The following PSMA8 variants were observed in gnomAD, a reference collection of about 807,000 sequenced individuals.
The protein encoded by PSMA8 is proteasome 20S subunit alpha 8.
PSMA8 carries 18 observed loss-of-function variants against 32.4 expected under a neutral mutation model. The ratio of observed to expected loss-of-function variants is 0.56; its 90% CI spans 0.38 to 0.82. PSMA8 has a LOEUF of 0.82. Ranked by LOEUF, PSMA8 falls within the 40% of genes least tolerant of loss-of-function variation. PSMA8 has a pLI of 0.00. For missense variants in PSMA8, 298 were observed against 300.7 expected (o/e 0.99, Z 0.07); for synonymous variants, 104 against 98.1 (o/e 1.06, Z -0.36).
Position 26,178,917 on chromosome 18 carries a change from G to T in PSMA8, c.565G>T (p.Ala189Ser). 6.2e-7 allele frequency: 1 copy of T among 1,613,578 alleles called. No individual in the cohort carries two copies. The change falls in exon 5 of 7, where the codon GCT (alanine) becomes TCT (serine). Residue 189 changes from alanine to serine, a missense_variant. Coordinates refer to ENST00000415576, the MANE Select transcript of PSMA8 (RefSeq NM_001025096.2). ...TEDAIASDSE[A>S]IKLAIKALLE... is the part of the protein sequence containing the mutation. The stretch of plus-strand genomic sequence containing the variant: ...AGATGCCATAGCAAGTGACAGTGAA[G>T]CTATCAAGTTAGCAATAAAAGCTTT...
chr18:26,185,612 T>C (rs886754946), intron 6 of PSMA8, among the ~76,000 whole-genome samples: 7 of 150,912 alleles, frequency 4.6e-5, no homozygotes, highest in African/African-American at 1.5e-4. Context: ...TGTTTGCTGG[T>C]TGGCTAATGT....
intron 4 of PSMA8, among the ~76,000 whole-genome samples, chr18:26,164,795 T>C (rs1024284843): frequency 2.0e-5 from 3 of 152,192 alleles, no homozygotes; most frequent in Admixed American, 1.3e-4. Context: ...TATTAGATAA[T>C]GTTGTGTCTG....
At chr18:26,181,246 A>G (rs1282879815) in intron 6 of PSMA8, among the ~76,000 whole-genome samples, 6 of 152,182 alleles carry the variant, frequency 3.9e-5, no homozygotes, top group African/African-American at 1.2e-4. Flanking sequence ...GTGATCTGTG[A>G]TCAATGATCT....
chr18:26,148,735 A>G (rs2055023167), intron 2 of PSMA8, among the ~76,000 whole-genome samples: 1 of 152,264 alleles, frequency 6.6e-6, no homozygotes. Context: ...CTCTGTTCAC[A>G]GAAGACATGA....
At chr18:26,159,003 C>A (rs1028055410) in intron 4 of PSMA8, among the ~76,000 whole-genome samples, 1 of 151,944 alleles carries the variant, frequency 6.6e-6, no homozygotes, top group Admixed American at 6.6e-5. Context: ...GCCCCCCTGC[C>A]CCCCGCAAAA....
chr18:26,171,598 G>C (rs1401856608), intron 4 of PSMA8, among the ~76,000 whole-genome samples: 3 of 152,164 alleles, frequency 2.0e-5, no homozygotes, highest in South Asian at 2.1e-4. Context: ...GCCGGGCTTG[G>C]TGGCAAATGC....
At chr18:26,159,477 C>T (rs764046580) in intron 4 of PSMA8, among the ~76,000 whole-genome samples, 7 of 152,024 alleles carry the variant, frequency 4.6e-5, no homozygotes, top group Non-Finnish European at 1.0e-4. Context: ...TACTAGATTT[C>T]TTGTCTCCTA....
chr18:26,151,672 A>G (rs1402818062), intron 2 of PSMA8, among the ~76,000 whole-genome samples, 186 bp from the exon 3 acceptor site: 1 of 152,234 alleles, frequency 6.6e-6, no homozygotes, highest in African/African-American at 2.4e-5. Context: ...GATCAACTTA[A>G]ATCTTGAAAT....
intron 2 of PSMA8, 31 bp from the exon 3 acceptor site, chr18:26,151,827 G>A: frequency 1.3e-6 from 2 of 1,566,420 alleles, no homozygotes; most frequent in Non-Finnish European, 1.7e-6. Context: ...ATGTTTTTGT[G>A]GTTTTTGTGA....
chr18:26,142,194 C>T (rs2054963967), intron 1 of PSMA8, among the ~76,000 whole-genome samples: 1 of 151,992 alleles, frequency 6.6e-6, no homozygotes, highest in Non-Finnish European at 1.5e-5. Flanking sequence ...CGCCCGCCAC[C>T]ACGCCCGGCT....
chr18:26,179,166 G>A, intron 6 of PSMA8, 36 bp downstream of exon 6: 2 of 1,534,240 alleles, frequency 1.3e-6, no homozygotes, highest in Non-Finnish European at 1.8e-6. Flanking sequence ...AGTATCTGTA[G>A]TATAAAGTAT....
intron 3 of PSMA8, among the ~76,000 whole-genome samples, chr18:26,157,281 G>A (rs987514916): frequency 5.3e-5 from 8 of 151,808 alleles, no homozygotes; most frequent in South Asian, 2.1e-4. Flanking sequence ...GACCGGGCGC[G>A]GTGGCTCATA....
chr18:26,140,299 G>A (rs1322282822), intron 1 of PSMA8, among the ~76,000 whole-genome samples: 1 of 152,206 alleles, frequency 6.6e-6, no homozygotes, highest in Non-Finnish European at 1.5e-5. Context: ...CCTGGAACCT[G>A]AGTCCACAGG....
Position 26,158,235 on chromosome 18 carries a change from T to G in PSMA8, c.468T>G (p.His156Gln). Residue 156 changes from histidine (H) to glutamine (Q), a missense_variant, in exon 4 of 7, where the codon CAT becomes CAG. His to Gln is a conservative substitution (Grantham distance 24, BLOSUM62 0). Transcript: ENST00000415576. ...LYQTDPSGTY[H>Q]AWKANAIGRS... ...AGACAGATCCTTCTGGTACTTATCA[T>G]GCTTGGAAGGTGAGTCATGAATTTA... 2 of 1,597,706 alleles carry G rather than the reference T, an allele frequency of 1.3e-6. No individual in the cohort carries two copies.
chr18:26,151,987 G>A lies in PSMA8; in HGVS notation c.354+5G>A, dbSNP rs751054301. ...TTCATAGCAACTTTAAAGCAGGTAA[G>A]CTAATATTCTAACATACTTTGTTAA... On this transcript the variant is annotated splice_donor_5th_base_variant and intron_variant, in intron 3 of 6. Transcript: ENST00000415576. 5.1e-5 allele frequency: 81 copies of A among 1,592,406 alleles called. No homozygotes were observed. Among genetic ancestry groups the A allele is most frequent in the Non-Finnish European group, 6.8e-5 (80 of 1,173,014 alleles).
intron 4 of PSMA8, among the ~76,000 whole-genome samples, chr18:26,175,192 T>C (rs1011847657): frequency 5.3e-5 from 8 of 152,218 alleles, no homozygotes; most frequent in African/African-American, 1.7e-4. Context: ...GAAGATTTAC[T>C]CTGGAAGTTA....
At chr18:26,163,213 GTATATATATATATATATATA>G (rs58945617) in intron 4 of PSMA8, among the ~76,000 whole-genome samples, 3,096 of 80,932 alleles carry the variant, frequency 0.038, 142 homozygotes, top group Non-Finnish European at 0.043. Flanking sequence ...ATGTGTGTGT[GTATATATATATATATATATA>G]TATATATATA....
At position 26,158,183 on chromosome 18, in the gene PSMA8, A is replaced by G. The variant is rs1184618065; in HGVS notation, c.416A>G (p.Asp139Gly). ...FGISALIVGF[D>G]DDGISRLYQT... ...ATTTCTGCCTTAATTGTAGGTTTTG[A>G]TGATGATGGTATCTCAAGATTGTAT... Residue 139 changes from aspartate to glycine, a missense_variant, in exon 4 of 7, where the codon GAT becomes GGT. Physicochemically the swap from Asp to Gly is moderately conservative, Grantham distance 94. Transcript: ENST00000415576. The G allele has an allele frequency of 3.1e-6, 5 of 1,607,460 alleles. No individual in the cohort carries two copies. Among genetic ancestry groups the G allele is most frequent in the Non-Finnish European group, 4.3e-6 (5 of 1,174,608 alleles).
chr18:26,160,092 A>T (rs1328624148), intron 4 of PSMA8, among the ~76,000 whole-genome samples: 1 of 152,174 alleles, frequency 6.6e-6, no homozygotes. Flanking sequence ...ACTTGAATGC[A>T]GGAGTTCGAG....
Sources: gnomAD v4.1 joint callset for allele counts (sites outside exome capture counted in the v4.1 genomes callset) on GRCh38, gnomAD v4.1.1 for gene constraint, MANE v1.5 for transcripts, NCBI Gene and HGNC (gene_info 2026-07-23, HGNC 2026-07-21) for gene names.